The following ERI1 variants were observed in gnomAD, a reference collection of about 807,000 sequenced individuals.
The protein encoded by ERI1 is exoribonuclease 1.
In ERI1, 39 loss-of-function variants were observed where a neutral mutation model predicts 39.7. The observed-to-expected ratio is 0.98, with a 90% CI of 0.76 to 1.28. The LOEUF is 1.28. ERI1 is among the 50% of genes most tolerant of loss of function. The pLI is 0.00. For missense variants in ERI1, 581 were observed against 416.9 expected, an observed-to-expected ratio of 1.39 and a Z score of -3.43; for synonymous variants, 204 against 149.6, an observed-to-expected ratio of 1.36 and a Z score of -2.65.
At chr8:9,007,842 CTT>C (rs1356006846) in intron 1 of ERI1, 126 bp from the exon 2 acceptor site, 3 of 1,376,456 alleles carry the variant, frequency 2.2e-6, no homozygotes, top group African/African-American at 3.0e-5. Flanking sequence ...GCAGTGAACA[CTT>C]TTCATTGAAC....
chr8:9,049,165 G>A (rs529378164), intron 3 of ERI1, among the ~76,000 whole-genome samples: 24 of 151,264 alleles, frequency 1.6e-4, no homozygotes, highest in Admixed American at 1.2e-3. Context: ...GTGAAACCCC[G>A]TCTCTACTAA....
chr8:9,028,973 GTTT>G (rs34569795), intron 6 of ERI1, among the ~76,000 whole-genome samples: 384 of 113,072 alleles, frequency 3.4e-3, no homozygotes, highest in Non-Finnish European at 5.1e-3. Context: ...GAGTGTGAGA[GTTT>G]TTTTTTTTTT....
chr8:9,071,225 C>A (rs1799039687), intron 3 of ERI1, among the ~76,000 whole-genome samples: 1 of 152,178 alleles, frequency 6.6e-6, no homozygotes. Context: ...GTCAGTTTTT[C>A]CTAACCACTG....
At chr8:9,015,668 G>T (rs138749784) in intron 3 of ERI1, among the ~76,000 whole-genome samples, 23 of 136,040 alleles carry the variant, frequency 1.7e-4, no homozygotes, top group African/African-American at 5.4e-4. Context: ...CTTGCAGTGA[G>T]CCGAGATTGT....
At chr8:9,035,150 A>C (rs745697541), downstream of ERI1, among the ~76,000 whole-genome samples, 7 of 152,254 alleles carry the variant, frequency 4.6e-5, no homozygotes, top group Non-Finnish European at 8.8e-5. Context: ...TAAAGCAGCA[A>C]GTGCTGATGT....
intron 2 of ERI1, 87 bp downstream of exon 2, chr8:9,008,235 T>C: frequency 8.6e-7 from 1 of 1,158,718 alleles, no homozygotes. Context: ...AAAAATCATC[T>C]GTAATCCTAC....
chr8:9,016,238 C>G, intron 3 of ERI1, 84 bp from the exon 4 acceptor site: 2 of 700,570 alleles, frequency 2.9e-6, no homozygotes, highest in Non-Finnish European at 2.3e-6. Context: ...AAATTGCAAC[C>G]TGCTGTGATG....
intron 3 of ERI1, among the ~76,000 whole-genome samples, chr8:9,055,065 G>A (rs190168011): frequency 7.2e-5 from 11 of 152,302 alleles, no homozygotes; most frequent in East Asian, 3.9e-4. Context: ...AACAATTCGC[G>A]AATCAGCAGC....
intron 3 of ERI1, among the ~76,000 whole-genome samples, chr8:9,042,309 C>G (rs750261371): frequency 8.5e-5 from 13 of 152,186 alleles, no homozygotes; most frequent in Non-Finnish European, 1.6e-4. Context: ...TCAACTATCC[C>G]TTCTCTGCAA....
intron 1 of ERI1, among the ~76,000 whole-genome samples, chr8:9,006,398 T>C (rs1195595250): frequency 6.6e-6 from 1 of 152,248 alleles, no homozygotes; most frequent in Non-Finnish European, 1.5e-5. Flanking sequence ...AGCTACAGTT[T>C]AGGATGAGAA....
intron 1 of ERI1, among the ~76,000 whole-genome samples, chr8:9,004,630 C>T (rs1452518705): frequency 6.6e-6 from 1 of 150,610 alleles, no homozygotes; most frequent in Non-Finnish European, 1.5e-5. Context: ...TGCCACTGCA[C>T]TCCAACCTGG....
intron 3 of ERI1, among the ~76,000 whole-genome samples, chr8:9,072,966 T>C: frequency 6.6e-6 from 1 of 152,256 alleles, no homozygotes; most frequent in East Asian, 1.9e-4. Flanking sequence ...AAACATTTTG[T>C]GGTCTAGCTG....
chr8:9,029,920 T>C lies in ERI1; in HGVS notation c.936T>C (p.Asp312=). ...IARIAVRMLQ[D]GCELRINEKM... Reference sequence around the variant, plus strand: ...GAATAGCAGTTCGAATGCTTCAGGATGGGTGTGAACTCCGAATCAACGAGA... The same window carrying C: ...GAATAGCAGTTCGAATGCTTCAGGACGGGTGTGAACTCCGAATCAACGAGA... Residue 312 remains aspartate (D), a synonymous_variant, in exon 7 of 7, where the codon GAT becomes GAC. Transcript: ENST00000250263. 1 of 1,614,138 alleles carries C rather than the reference T, an allele frequency of 6.2e-7. No individual in the cohort carries two copies. The highest frequency in any genetic ancestry group is 2.2e-5 in the East Asian group (1 of 44,880).
chr8:9,067,394 G>A (rs1798912902), intron 3 of ERI1, among the ~76,000 whole-genome samples: 1 of 148,738 alleles, frequency 6.7e-6, no homozygotes, highest in African/African-American at 2.6e-5. Flanking sequence ...GTGTGTGTGT[G>A]TGTGTGTGTG....
At chr8:9,014,666 A>T (rs963672142) in intron 3 of ERI1, among the ~76,000 whole-genome samples, 1 of 152,200 alleles carries the variant, frequency 6.6e-6, no homozygotes, top group Non-Finnish European at 1.5e-5. Context: ...CCGAATTATA[A>T]TTATAAGGGA....
chr8:9,009,015 T>C (rs1218671415), intron 2 of ERI1: 1 of 456,306 alleles, frequency 2.2e-6, no homozygotes, highest in Non-Finnish European at 4.4e-6. Flanking sequence ...ATTTCCCCGA[T>C]TCTTTCTGTT....
chr8:9,024,568 C>G (rs1379099185), intron 6 of ERI1, among the ~76,000 whole-genome samples: 1 of 152,010 alleles, frequency 6.6e-6, no homozygotes, highest in Non-Finnish European at 1.5e-5. Context: ...TTACAGGTGC[C>G]TCCCACCATG....
intron 3 of ERI1, among the ~76,000 whole-genome samples, chr8:9,086,977 C>A (rs1039049573): frequency 1.3e-5 from 2 of 151,882 alleles, no homozygotes; most frequent in Non-Finnish European, 2.9e-5. Flanking sequence ...TAGTGCTGGG[C>A]GGTAGGATTC....
intron 3 of ERI1, among the ~76,000 whole-genome samples, chr8:9,054,362 C>T (rs1203169469): frequency 2.0e-5 from 3 of 152,276 alleles, no homozygotes; most frequent in South Asian, 4.1e-4. Flanking sequence ...AAATACATTT[C>T]TTCTCTTTTT....
Sources: allele counts gnomAD v4.1 joint callset (sites outside exome capture counted in the v4.1 genomes callset), GRCh38; gene constraint gnomAD v4.1.1; transcripts MANE v1.5; gene names NCBI Gene and HGNC (gene_info 2026-07-23, HGNC 2026-07-21).